Variants in TENM2 observed in about 807,000 individuals in gnomAD.
TENM2 encodes teneurin-2.
Under a neutral mutation model 245.2 loss-of-function variants are expected in TENM2, and 52 were observed. That is an observed-to-expected ratio of 0.21 (90% confidence interval 0.17 to 0.27). The LOEUF (loss-of-function observed/expected upper bound fraction) is 0.27, where lower values mean the gene tolerates loss of function less well. Among genes scored for constraint, TENM2 ranks in the 10% least tolerant of loss-of-function variants. TENM2 has a pLI of 1.00. For missense variants in TENM2, 3,046 were observed against 3,666.8 expected, an observed-to-expected ratio of 0.83 and a Z score of 4.37; for synonymous variants, 1,363 against 1,438.9, an observed-to-expected ratio of 0.95 and a Z score of 1.19.
chr5:167,100,844 A>G, the TENM2 span, among the ~76,000 whole-genome samples: 1 of 152,222 alleles, frequency 6.6e-6, no homozygotes, highest in African/African-American at 2.4e-5. Flanking sequence ...ATGACTCAGA[A>G]TCTGAATCAG....
At chr5:168,067,529 T>C (rs1790613532) in intron 7 of TENM2, among the ~76,000 whole-genome samples, 1 of 152,152 alleles carries the variant, frequency 6.6e-6, no homozygotes. Context: ...TTATAGATGG[T>C]GATTAGTGGT....
At chr5:167,070,711 C>G in the TENM2 span, among the ~76,000 whole-genome samples, 1 of 151,974 alleles carries the variant, frequency 6.6e-6, no homozygotes, top group Non-Finnish European at 1.5e-5. Flanking sequence ...GACTGTTAAG[C>G]GTTTTTGTCA....
At position 167,456,025 on chromosome 5, in the gene TENM2, T is replaced by C. The variant is rs192441404; in HGVS notation, c.502+80552T>C. 3.8e-4 allele frequency among the ~76,000 whole-genome samples: 58 copies of C among 152,284 alleles called. No homozygotes were observed. In the East Asian group the frequency reaches 5.2e-3, roughly 14 times the overall value. On this transcript the variant is annotated intron_variant, in intron 2 of 28. Coordinates refer to ENST00000518659, the Ensembl canonical transcript of TENM2. ...TGAGAGGTCTTACTAATTTTTTCAC[T>C]TTGACTATCCTTAAGAGGGACTATC... is the stretch of plus-strand genomic sequence containing the variant.
chr5:167,071,877 C>CGGGGGGGGGGGGGG, the TENM2 span, among the ~76,000 whole-genome samples: 1 of 113,300 alleles, frequency 8.8e-6, no homozygotes, highest in East Asian at 2.2e-4. Context: ...TTTGACAAAT[C>CGGGGGGGGGGGGGG]GCCCCCCCCC....
chr5:167,595,954 A>G (rs1178832082), intron 2 of TENM2, among the ~76,000 whole-genome samples: 1 of 152,152 alleles, frequency 6.6e-6, no homozygotes, highest in African/African-American at 2.4e-5. Flanking sequence ...TTTGGTTTAA[A>G]TGTAATTTCA....
chr5:167,060,665 A>G, the TENM2 span, among the ~76,000 whole-genome samples: 3 of 151,962 alleles, frequency 2.0e-5, no homozygotes, highest in African/African-American at 2.4e-5. Flanking sequence ...AAAAAAAAAA[A>G]AAAGAAATAC....
the TENM2 span, chr5:167,165,021 A>G: frequency 3.9e-5 from 6 of 152,238 alleles, no homozygotes. Flanking sequence ...AGAATCAGCA[A>G]TATGCAATAA....
chr5:167,822,251 C>T (rs1306422609), intron 2 of TENM2, among the ~76,000 whole-genome samples: 1 of 152,006 alleles, frequency 6.6e-6, no homozygotes, highest in Non-Finnish European at 1.5e-5. Flanking sequence ...AGAGGGTTAG[C>T]TGAGGGGTTG....
chr5:167,862,127 G>T (rs1420278884), intron 2 of TENM2, among the ~76,000 whole-genome samples: 1 of 152,182 alleles, frequency 6.6e-6, no homozygotes, highest in Non-Finnish European at 1.5e-5. Flanking sequence ...TGCACTGCAG[G>T]TCTTCAAATA....
intron 2 of TENM2, among the ~76,000 whole-genome samples, chr5:167,481,001 G>A (rs963380747): frequency 1.3e-5 from 2 of 152,112 alleles, no homozygotes; most frequent in African/African-American, 2.4e-5. Context: ...TTTGGATATC[G>A]GAACCCTTAA....
At chr5:167,461,013 G>A (rs1766260452) in intron 2 of TENM2, among the ~76,000 whole-genome samples, 1 of 152,174 alleles carries the variant, frequency 6.6e-6, no homozygotes, top group Non-Finnish European at 1.5e-5. Context: ...TCTTTTGATA[G>A]GAGGAGAGCC....
At chr5:168,068,845 T>TTG (rs34926603) in intron 7 of TENM2, among the ~76,000 whole-genome samples, 32,482 of 150,466 alleles carry the variant, frequency 0.22, 3,776 homozygotes, top group Admixed American at 0.34. Flanking sequence ...CTCTGTGTGT[T>TTG]TGTGTGTGTG....
At chr5:167,110,347 C>T in the TENM2 span, among the ~76,000 whole-genome samples, 7 of 152,118 alleles carry the variant, frequency 4.6e-5, no homozygotes, top group Admixed American at 4.6e-4. Flanking sequence ...AAAGACAGTC[C>T]GGTTCCTTTT....
At chr5:168,245,869 T>C (rs1766516826) in intron 26 of TENM2, among the ~76,000 whole-genome samples, 1 of 152,064 alleles carries the variant, frequency 6.6e-6, no homozygotes, top group Non-Finnish European at 1.5e-5. Context: ...CAATTGCCTC[T>C]AATTGAAGTC....
At chr5:167,397,954 G>A (rs1369639245) in intron 2 of TENM2, among the ~76,000 whole-genome samples, 2 of 152,052 alleles carry the variant, frequency 1.3e-5, no homozygotes, top group Non-Finnish European at 1.5e-5. Context: ...AACTTCCAAT[G>A]TATTTTTATG....
chr5:167,192,511 G>A, the TENM2 span, among the ~76,000 whole-genome samples: 1 of 151,990 alleles, frequency 6.6e-6, no homozygotes, highest in South Asian at 2.1e-4. Context: ...ACAGAACAGG[G>A]CAAGAGGGCC....
intron 2 of TENM2, among the ~76,000 whole-genome samples, chr5:167,560,060 G>T (rs1773488664): frequency 6.6e-6 from 1 of 151,760 alleles, no homozygotes; most frequent in Non-Finnish European, 1.5e-5. Context: ...CTTCTCAAAT[G>T]CATGGAAGCT....
intron 2 of TENM2, among the ~76,000 whole-genome samples, chr5:167,478,698 C>T (rs117678409): frequency 6.6e-6 from 1 of 152,290 alleles, no homozygotes; most frequent in East Asian, 1.9e-4. Context: ...AAAGTTATGT[C>T]TCACTACAAA....
rs185954673 is a variant in TENM2, at chr5:167,830,751, C to T, written c.503-45235C>T. ...ACAGGAGTTCTCAAACTTGAGAGCA[C>T]GTCTGAGTGCCTCAGAGGGCTTATT... On this transcript the variant is annotated intron_variant, in intron 2 of 28. Transcript: ENST00000518659. Among the ~76,000 whole-genome samples, 176 of 152,220 alleles carry T rather than the reference C, an allele frequency of 1.2e-3. 1 individual carries two copies. The highest frequency in any genetic ancestry group is 4.0e-3 in the African/African-American group (165 of 41,522).
Sources: gnomAD v4.1 joint callset for allele counts (sites outside exome capture counted in the v4.1 genomes callset) on GRCh38, gnomAD v4.1.1 for gene constraint, MANE v1.5 for transcripts, NCBI Gene and HGNC (gene_info 2026-07-23, HGNC 2026-07-21) for gene names.